Variants in HAGH observed in about 807,000 individuals in gnomAD.
The protein encoded by HAGH is hydroxyacylglutathione hydrolase, also known as hydroxyacylglutathione hydrolase, mitochondrial.
A neutral mutation model predicts 35.1 loss-of-function variants in HAGH; 29 were observed. The observed-to-expected ratio is 0.83, with a 90% CI of 0.62 to 1.13. The LOEUF is 1.13. HAGH is among the 50% of genes most tolerant of loss of function. HAGH has a pLI of 0.00. For synonymous variants in HAGH, 225 were observed against 176.1 expected (o/e 1.28, Z -2.20); for missense variants, 478 against 419.6 (o/e 1.14, Z -1.22).
Position 1,807,822 on chromosome 16 carries a change from C to G in HAGH, c.*1461G>C, listed in dbSNP as rs1567248313. On this transcript the variant is annotated 3_prime_UTR_variant, in exon 9 of 9. Transcript: ENST00000397356. ...GAGTATGCGAACAGACCAGTGACCC[C>G]TCCGGGGGGAGGGCATGCATGTGGT... 1 of 134,112 alleles carries G rather than the reference C, an allele frequency of 7.5e-6. No individual in the cohort carries two copies. The highest frequency in any genetic ancestry group is 1.6e-5 in the Non-Finnish European group (1 of 62,490). 8.3% of individuals were successfully genotyped at this position (134,112 alleles called of 1,614,324 possible).
At chr16:1,820,783 A>C (rs1439215180) in intron 3 of HAGH, among the ~76,000 whole-genome samples, 1 of 152,108 alleles carries the variant, frequency 6.6e-6, no homozygotes, top group Non-Finnish European at 1.5e-5. Context: ...AACAGGGTGG[A>C]GTGGTGGCCG....
At chr16:1,817,933 G>A (rs1897981908) in intron 5 of HAGH, among the ~76,000 whole-genome samples, 1 of 150,932 alleles carries the variant, frequency 6.6e-6, no homozygotes, top group African/African-American at 2.5e-5. Flanking sequence ...GCACAGTGGA[G>A]GCCGCCCCAC....
At position 1,822,326 on chromosome 16, in the gene HAGH, G is replaced by A. The variant is rs550975531; in HGVS notation, c.288C>T (p.Thr96=). The stretch of plus-strand genomic sequence containing the variant: ...AGTGGTGGTGGGTGGTGAGCACTGT[G>A]GTCAGTTTCACCCCGTGCTTTCTCG... ...DAARKHGVKL[T]TVLTTHHHWD... Residue 96 remains threonine, a synonymous_variant, in exon 3 of 9, where the codon ACC becomes ACT. Coordinates refer to ENST00000397356, the MANE Select transcript of HAGH (RefSeq NM_005326.6). 1.9e-6 allele frequency: 3 copies of A among 1,611,596 alleles called. No homozygotes were observed. The highest frequency in any genetic ancestry group is 2.5e-6 in the Non-Finnish European group (3 of 1,178,548).
chr16:1,810,496 G>C (rs994013672), intron 7 of HAGH: 3 of 152,890 alleles, frequency 2.0e-5, no homozygotes, highest in African/African-American at 7.2e-5. Flanking sequence ...CCAAGCCCCT[G>C]CAGGCAGGCA....
chr16:1,823,037 C>A lies in HAGH; in HGVS notation c.77G>T (p.Gly26Val), dbSNP rs1315367391. 1 of 1,613,236 alleles carries A rather than the reference C, an allele frequency of 6.2e-7. No homozygotes were observed. Among genetic ancestry groups the A allele is most frequent in the Non-Finnish European group, 8.5e-7 (1 of 1,179,944 alleles). The stretch of plus-strand genomic sequence containing the variant: ...GCAGAAAACTCCCAGCAGGGCTGGA[C>A]CTGCAGACACAGAGCACAACTCAGC... The part of the protein sequence containing the change: ...LGAACARRGL[G>V]PALLGVFCHT... The change falls in exon 2 of 9, where the codon GGT becomes GTT. Residue 26 changes from glycine (G) to valine (V), a missense_variant and splice_region_variant. Coordinates refer to ENST00000397356, the MANE Select transcript of HAGH (RefSeq NM_005326.6).
chr16:1,818,142 C>T (rs900607163), intron 5 of HAGH, among the ~76,000 whole-genome samples: 3 of 152,196 alleles, frequency 2.0e-5, no homozygotes, highest in African/African-American at 7.2e-5. Context: ...GAACTTGGGG[C>T]CTGGGGCTTC....
At position 1,826,530 on chromosome 16, in the gene HAGH, C is replaced by T. The variant is rs914627876; in HGVS notation, c.76+182G>A. ...ACCTAGCGCTTTCCGCACCCGCGGC[C>T]CCGCGCCCGCTCCGCGCCAGCCTCA... On this transcript the variant is annotated intron_variant, in intron 1 of 8. Transcript: ENST00000397356. The T allele has an allele frequency of 9.4e-5, 92 of 981,616 alleles. No homozygotes were observed. In the African/African-American group the frequency reaches 1.6e-3, roughly 17 times the overall value. The allele number at this position is 981,616 out of a possible 1,614,324, so 60.8% of individuals were successfully genotyped here. A position where few individuals can be genotyped will look rare whatever the true frequency, so the allele number is the denominator to read the frequency against.
At chr16:1,826,474 G>A (rs1898426838) in intron 1 of HAGH, 3 of 822,910 alleles carry the variant, frequency 3.6e-6, no homozygotes, top group South Asian at 1.1e-4. Context: ...CGAGCGTGGA[G>A]GCCGCGGCGG....
chr16:1,813,781 C>A (rs1476153056), intron 7 of HAGH, among the ~76,000 whole-genome samples: 1 of 152,224 alleles, frequency 6.6e-6, no homozygotes, highest in Non-Finnish European at 1.5e-5. Flanking sequence ...GGAGGATTCA[C>A]ACATACCAGT....
rs369296938 is a variant in HAGH at position 1,817,151 on chromosome 16, A to G, written c.645+17T>C. 8.0e-4 allele frequency: 1,231 copies of G among 1,543,340 alleles called. 3 individuals are homozygous for G. The highest frequency in any genetic ancestry group is 1.0e-3 in the Middle Eastern group (6 of 5,964). On this transcript the variant is annotated intron_variant, in intron 6 of 8. Coordinates refer to ENST00000397356, the MANE Select transcript of HAGH (RefSeq NM_005326.6). Reference sequence around the variant, plus strand: ...TAAGGCCCCCCACACCCCGGCCCGCAGGGAGGCGCTGCCTACTGTGTCCGG... The same window carrying G: ...TAAGGCCCCCCACACCCCGGCCCGCGGGGAGGCGCTGCCTACTGTGTCCGG...
intron 7 of HAGH, among the ~76,000 whole-genome samples, chr16:1,814,823 G>T (rs558168164): frequency 6.6e-6 from 1 of 151,516 alleles, no homozygotes; most frequent in Admixed American, 6.6e-5. Flanking sequence ...GCTTGAACCC[G>T]GGAGGCAGAG....
chr16:1,820,423 G>T (rs73488019), intron 3 of HAGH, among the ~76,000 whole-genome samples: 13,493 of 150,870 alleles, frequency 0.089, 755 homozygotes, highest in African/African-American at 0.15. Flanking sequence ...GATTTTTGAA[G>T]GCCCCCAGGT....
At chr16:1,827,138 G>A (rs1898479844), upstream of HAGH, 2 of 1,483,556 alleles carry the variant, frequency 1.3e-6, no homozygotes, top group South Asian at 1.3e-5. Flanking sequence ...GGCCGTCGCT[G>A]CGGGGGACAG....
chr16:1,825,867 C>A (rs1359807133), intron 1 of HAGH, among the ~76,000 whole-genome samples: 6 of 152,210 alleles, frequency 3.9e-5, no homozygotes, highest in Non-Finnish European at 5.9e-5. Flanking sequence ...CGTCACTGCA[C>A]TTCTTTTTTA....
chr16:1,820,240 A>G (rs371118807), intron 3 of HAGH, among the ~76,000 whole-genome samples: 5 of 149,314 alleles, frequency 3.3e-5, no homozygotes, highest in African/African-American at 1.3e-4. Flanking sequence ...TACCACCTGC[A>G]CGTCTTTACA....
rs147715272 is a variant in HAGH, at chr16:1,825,858, G to A, written c.76+854C>T. ...CAAAGTGCTGGGATGACAGGCGTGCGTCACTGCACTTCTTTTTTAAATCAG... is the reference window on the plus strand; with the variant it reads ...CAAAGTGCTGGGATGACAGGCGTGCATCACTGCACTTCTTTTTTAAATCAG... On this transcript the variant is annotated intron_variant, in intron 1 of 8. Transcript: ENST00000397356. 1.4e-3 allele frequency among the ~76,000 whole-genome samples: 220 copies of A among 152,316 alleles called. 1 individual carries two copies. Among genetic ancestry groups the A allele is most frequent in the African/African-American group, 4.5e-3 (189 of 41,568 alleles).
chr16:1,818,312 G>A (rs57120036), intron 5 of HAGH, among the ~76,000 whole-genome samples: 14,054 of 152,122 alleles, frequency 0.092, 794 homozygotes, highest in African/African-American at 0.16. Context: ...CCAGCCCTGC[G>A]CACTGCAGCC....
At chr16:1,816,744 TG>T (rs1472936665) in intron 7 of HAGH, 148 bp downstream of exon 7, 1 of 634,356 alleles carries the variant, frequency 1.6e-6, no homozygotes, top group Non-Finnish European at 2.8e-6. Context: ...GGGTTTGCCG[TG>T]CAGGGCGAGC....
chr16:1,827,022 G>C, upstream of HAGH: 1 of 718,942 alleles, frequency 1.4e-6, no homozygotes, highest in South Asian at 2.4e-5. Context: ...GCTGCGCCGG[G>C]AGAGCTGTGC....
Sources: allele counts gnomAD v4.1 joint callset (sites outside exome capture counted in the v4.1 genomes callset), GRCh38; gene constraint gnomAD v4.1.1; transcripts MANE v1.5; gene names NCBI Gene and HGNC (gene_info 2026-07-23, HGNC 2026-07-21).